Variants in HCRTR2 observed in about 807,000 individuals in gnomAD.
The protein encoded by HCRTR2 is orexin receptor type 2.
In HCRTR2, 22 loss-of-function variants were observed where a neutral mutation model predicts 49.0. The ratio of observed to expected loss-of-function variants is 0.45; its 90% CI spans 0.32 to 0.64. The LOEUF is 0.64. HCRTR2 is among the 30% of genes least tolerant of loss of function. The probability of loss-of-function intolerance (pLI) is 0.04; values close to 1 mark genes in which losing one functional copy is unlikely to be tolerated. For synonymous variants in HCRTR2, 236 were observed against 205.3 expected (o/e 1.15, Z -1.28); for missense variants, 491 against 559.4 (o/e 0.88, Z 1.23).
At position 55,174,535 on chromosome 6, in the gene HCRTR2, G is replaced by C. The variant is rs1765000387; in HGVS notation, c.-53G>C. On this transcript the variant is annotated 5_prime_UTR_variant, in exon 1 of 7. Transcript: ENST00000370862. The stretch of plus-strand genomic sequence containing the variant: ...CCACCGCAAATCACCAGTGCTCATG[G>C]GGCAGGCGGAGAGGAGCTTGCAGCA... The C allele has an allele frequency of 3.5e-6, 5 of 1,437,066 alleles. No homozygotes were observed. Among genetic ancestry groups the C allele is most frequent in the Non-Finnish European group, 4.9e-6 (5 of 1,019,140 alleles). 89.0% of individuals were successfully genotyped at this position (1,437,066 alleles called of 1,614,324 possible). A position where few individuals can be genotyped will look rare whatever the true frequency, so the allele number is the denominator to read the frequency against.
intron 1 of HCRTR2, among the ~76,000 whole-genome samples, chr6:55,178,463 A>T (rs1322426658): frequency 6.6e-6 from 1 of 152,224 alleles, no homozygotes; most frequent in Non-Finnish European, 1.5e-5. Context: ...TAGTATCAGG[A>T]TATAATGTAC....
intron 1 of HCRTR2, among the ~76,000 whole-genome samples, chr6:55,140,367 T>C (rs906667258): frequency 2.0e-5 from 3 of 152,150 alleles, no homozygotes; most frequent in African/African-American, 7.2e-5. Flanking sequence ...TGCTCTGTAT[T>C]GACTAATTGT....
At chr6:55,196,383 C>A (rs1440118406) in intron 1 of HCRTR2, among the ~76,000 whole-genome samples, 2 of 152,138 alleles carry the variant, frequency 1.3e-5, no homozygotes, top group Non-Finnish European at 2.9e-5. Context: ...TTACATATCA[C>A]CTGTGGGAGA....
rs565205690 is a variant in HCRTR2 at position 55,234,803 on chromosome 6, G to A, written c.224-13836G>A. Among the ~76,000 whole-genome samples the A allele has an allele frequency of 2.8e-4, 43 of 152,206 alleles. 1 individual carries two copies. Among genetic ancestry groups the A allele is most frequent in the Non-Finnish European group, 5.7e-4 (39 of 68,000 alleles). On this transcript the variant is annotated intron_variant, in intron 1 of 6. Coordinates refer to ENST00000370862, the MANE Select transcript of HCRTR2 (RefSeq NM_001384272.1). ...ACTTAACGGCAGTTATGTAGTAATG[G>A]TGATCATATGCATACTCTATGATAG...
At chr6:55,180,848 G>A (rs1340313200) in intron 1 of HCRTR2, among the ~76,000 whole-genome samples, 1 of 150,656 alleles carries the variant, frequency 6.6e-6, no homozygotes, top group African/African-American at 2.4e-5. Flanking sequence ...CACCCAGACT[G>A]GGGTGCAGTG....
chr6:55,232,734 A>G (rs1463521560), intron 1 of HCRTR2, among the ~76,000 whole-genome samples: 1 of 152,202 alleles, frequency 6.6e-6, no homozygotes, highest in East Asian at 1.9e-4. Context: ...GCTTTGTGAC[A>G]ACTGTTTTTA....
At chr6:55,178,916 G>A (rs139823599) in intron 1 of HCRTR2, among the ~76,000 whole-genome samples, 4 of 152,224 alleles carry the variant, frequency 2.6e-5, no homozygotes, top group Admixed American at 2.6e-4. Context: ...TTGATAGGCA[G>A]GTCTATCACT....
chr6:55,273,136 G>C (rs1175356179), intron 4 of HCRTR2, among the ~76,000 whole-genome samples: 1 of 151,874 alleles, frequency 6.6e-6, no homozygotes, highest in African/African-American at 2.4e-5. Flanking sequence ...AGAAATCATG[G>C]GATTTAATGT....
intron 1 of HCRTR2, among the ~76,000 whole-genome samples, chr6:55,143,703 T>A (rs1764540484): frequency 6.6e-6 from 1 of 152,056 alleles, no homozygotes; most frequent in Non-Finnish European, 1.5e-5. Flanking sequence ...CACACAATAA[T>A]TTGATGAGGA....
Position 55,167,475 on chromosome 6 carries a change from C to A in HCRTR2, c.-377-6736C>A, listed in dbSNP as rs1333583489. Among the ~76,000 whole-genome samples, 2 of 151,842 alleles carry A rather than the reference C, an allele frequency of 1.3e-5. 1 individual carries two copies. The highest frequency in any genetic ancestry group is 4.8e-5 in the African/African-American group (2 of 41,324). On this transcript the variant is annotated intron_variant, in intron 1 of 7. Coordinates refer to the HCRTR2 transcript ENST00000615358. ...GGTTACATGCCCCACCTGCTGCTCA[C>A]CTAAAAGTAAATTTCCTCTAACTCA...
chr6:55,123,764 T>C (rs1343858936), intron 1 of HCRTR2, among the ~76,000 whole-genome samples: 2 of 152,188 alleles, frequency 1.3e-5, no homozygotes, highest in Non-Finnish European at 2.9e-5. Flanking sequence ...CCTGCACTTA[T>C]TTTGGTTGAC....
In HCRTR2 at chr6:55,192,413, G is replaced by GCGCACACACACACACACA. The variant is rs139180472; in HGVS notation, c.223+17604_223+17605insGCACACACACACACACAC. 2.8e-4 allele frequency among the ~76,000 whole-genome samples: 36 copies of GCGCACACACACACACACA among 128,520 alleles called. 1 individual carries two copies. Among genetic ancestry groups the GCGCACACACACACACACA allele is most frequent in the Admixed American group, 1.4e-3 (16 of 11,676 alleles). 84.3% of individuals were successfully genotyped at this position (128,520 alleles called of 152,430 possible). A position where few individuals can be genotyped will look rare whatever the true frequency, so the allele number is the denominator to read the frequency against. On this transcript the variant is annotated intron_variant, in intron 1 of 6. Coordinates refer to ENST00000370862, the MANE Select transcript of HCRTR2 (RefSeq NM_001384272.1). ...TAAACACACACACACGCGCGCGCGC[G>GCGCACACACACACACACA]CACACACACACACACACACACACAC...
chr6:55,142,120 T>A (rs1054160953), intron 1 of HCRTR2, among the ~76,000 whole-genome samples: 4 of 152,194 alleles, frequency 2.6e-5, no homozygotes, highest in Non-Finnish European at 4.4e-5. Context: ...AAACAACTTA[T>A]TGAAGAGAAT....
chr6:55,213,494 G>C (rs1325897444), intron 1 of HCRTR2, among the ~76,000 whole-genome samples: 2 of 152,034 alleles, frequency 1.3e-5, no homozygotes, highest in Non-Finnish European at 2.9e-5. Context: ...ACTCAAAAAT[G>C]ACAAATGGAA....
intron 1 of HCRTR2, among the ~76,000 whole-genome samples, chr6:55,131,856 A>T (rs1764362344): frequency 6.6e-6 from 1 of 151,816 alleles, no homozygotes; most frequent in South Asian, 2.1e-4. Context: ...GCTGAGGAAA[A>T]TAAGAAACTC....
chr6:55,232,604 T>C (rs2127300573), intron 1 of HCRTR2, among the ~76,000 whole-genome samples: 1 of 152,348 alleles, frequency 6.6e-6, no homozygotes, highest in African/African-American at 2.4e-5. Flanking sequence ...TTGTTAAATA[T>C]TCAGAGATAG....
intron 1 of HCRTR2, among the ~76,000 whole-genome samples, chr6:55,217,081 T>A (rs1192436198): frequency 6.6e-6 from 1 of 152,064 alleles, no homozygotes; most frequent in Non-Finnish European, 1.5e-5. Flanking sequence ...TGAGGAATGA[T>A]GCGCTCACAT....
chr6:55,200,588 G>C lies in HCRTR2; in HGVS notation c.223+25778G>C, dbSNP rs116588649. 3.7e-3 allele frequency among the ~76,000 whole-genome samples: 557 copies of C among 152,164 alleles called. 6 individuals carry two copies. The highest frequency in any genetic ancestry group is 0.013 in the African/African-American group (526 of 41,530). Reference sequence around the variant, plus strand: ...CAATTGCTTCATAAATGCATCCACTGTTCCTTCTTCTTCTGCCCTGCTTAT... The same window carrying C: ...CAATTGCTTCATAAATGCATCCACTCTTCCTTCTTCTTCTGCCCTGCTTAT... On this transcript the variant is annotated intron_variant, in intron 1 of 6. Coordinates refer to ENST00000370862, the MANE Select transcript of HCRTR2 (RefSeq NM_001384272.1).
chr6:55,217,745 C>A (rs530061650), intron 1 of HCRTR2, among the ~76,000 whole-genome samples: 1 of 152,274 alleles, frequency 6.6e-6, no homozygotes, highest in South Asian at 2.1e-4. Context: ...TCCTCTGATC[C>A]TTCACCAGAA....
Sources: gnomAD v4.1 joint callset for allele counts (sites outside exome capture counted in the v4.1 genomes callset) on GRCh38, gnomAD v4.1.1 for gene constraint, MANE v1.5 for transcripts, NCBI Gene and HGNC (gene_info 2026-07-23, HGNC 2026-07-21) for gene names.